The following FHIT variants were observed in gnomAD, a reference collection of about 807,000 sequenced individuals.
FHIT encodes the protein fragile histidine triad diadenosine triphosphatase, also known as bis(5'-adenosyl)-triphosphatase.
Under a neutral mutation model 17.9 loss-of-function variants are expected in FHIT, and 19 were observed. The observed-to-expected ratio is 1.06, with a 90% CI of 0.74 to 1.56. The LOEUF is 1.56. FHIT is among the 40% of genes most tolerant of loss of function. The pLI, the probability that FHIT is intolerant of heterozygous loss-of-function variation, is 0.00. For missense variants in FHIT, 248 were observed against 189.2 expected (o/e 1.31, Z -1.82); for synonymous variants, 81 against 69.7 (o/e 1.16, Z -0.81).
In FHIT at chr3:61,219,625, T is replaced by C. The variant is rs180849788; in HGVS notation, c.-212-18960A>G. ...TTTGTTCTAGAGCAGACAAACTCTG[T>C]ATCCTTCATTTGACCTCCTGCAAGA... On this transcript the variant is annotated intron_variant, in intron 1 of 9. Coordinates refer to ENST00000492590, the MANE Select transcript of FHIT (RefSeq NM_002012.4). Among the ~76,000 whole-genome samples the C allele has an allele frequency of 1.7e-3, 252 of 152,304 alleles. 1 individual carries two copies. The highest frequency in any genetic ancestry group is 5.9e-3 in the African/African-American group (244 of 41,554).
At position 60,561,908 on chromosome 3, in the gene FHIT, A is replaced by AAGAGAGAG. The variant is rs1195781130; in HGVS notation, c.-17-24937_-17-24930dup. 6.6e-5 allele frequency among the ~76,000 whole-genome samples: 10 copies of AAGAGAGAG among 151,484 alleles called. 1 individual carries two copies. Among genetic ancestry groups the AAGAGAGAG allele is most frequent in the Admixed American group, 6.0e-4 (9 of 14,996 alleles). ...AATGAAAGAAAAGAAAAAAAAAGAAAAGAGAGAGAAAGAGAGAAAGAAAAA... is the reference window on the plus strand; with the variant it reads ...AATGAAAGAAAAGAAAAAAAAAGAAAAGAGAGAGAGAGAGAGAAAGAGAGAAAGAAAAA... On this transcript the variant is annotated intron_variant, in intron 4 of 9. Coordinates refer to ENST00000492590, the MANE Select transcript of FHIT (RefSeq NM_002012.4).
intron 5 of FHIT, among the ~76,000 whole-genome samples, chr3:60,198,611 T>G (rs1034628820): frequency 1.4e-4 from 21 of 152,262 alleles, no homozygotes; most frequent in Admixed American, 2.6e-4. Context: ...TCATTAGGAC[T>G]GAGGATGTTC....
At chr3:60,140,836 C>T (rs1346625256) in intron 5 of FHIT, among the ~76,000 whole-genome samples, 1 of 152,106 alleles carries the variant, frequency 6.6e-6, no homozygotes, top group Admixed American at 6.5e-5. Context: ...CCTCGGCCTT[C>T]CAAAGTGCTG....
At chr3:60,321,937 C>T (rs964089785) in intron 5 of FHIT, among the ~76,000 whole-genome samples, 2 of 152,226 alleles carry the variant, frequency 1.3e-5, no homozygotes, top group Non-Finnish European at 2.9e-5. Context: ...GACTTAATCA[C>T]TTCCCAGAAG....
intron 4 of FHIT, among the ~76,000 whole-genome samples, chr3:60,756,420 C>G (rs989255649): frequency 1.3e-5 from 2 of 152,124 alleles, no homozygotes; most frequent in East Asian, 1.9e-4. Flanking sequence ...AAACGAAAAG[C>G]CTGATGAGTC....
chr3:61,061,088 A>T (rs113581963), intron 2 of FHIT, among the ~76,000 whole-genome samples: 9 of 152,332 alleles, frequency 5.9e-5, no homozygotes, highest in African/African-American at 2.2e-4. Context: ...ATAATTGTCG[A>T]ATCAGCTGTC....
chr3:60,114,067 AT>A lies in FHIT; in HGVS notation c.104-99916del, dbSNP rs1559644282. On this transcript the variant is annotated intron_variant, in intron 5 of 9. Transcript: ENST00000492590. ...TATATATATATATATATATATATAT[AT>A]ATATAATGTTATATGTATCTTACCA... Among the ~76,000 whole-genome samples, 399 of 107,518 alleles carry A rather than the reference AT, an allele frequency of 3.7e-3. 15 individuals carry two copies. The highest frequency in any genetic ancestry group is 0.013 in the African/African-American group (378 of 28,648). The allele number at this position is 107,518 out of a possible 152,430, so 70.5% of individuals were successfully genotyped here. A position where few individuals can be genotyped will look rare whatever the true frequency, so the allele number is the denominator to read the frequency against.
chr3:60,739,918 G>A (rs1553713556), intron 4 of FHIT, among the ~76,000 whole-genome samples: 3 of 152,152 alleles, frequency 2.0e-5, no homozygotes, highest in Non-Finnish European at 4.4e-5. Context: ...TCCTGCTCCT[G>A]AGAAGCTCAC....
chr3:60,145,558 G>T (rs1700204787), intron 5 of FHIT, among the ~76,000 whole-genome samples: 1 of 152,178 alleles, frequency 6.6e-6, no homozygotes, highest in Non-Finnish European at 1.5e-5. Context: ...GCAGTGCTAT[G>T]ACATAGGCAT....
At chr3:61,146,194 T>C (rs1489563057) in intron 2 of FHIT, among the ~76,000 whole-genome samples, 5 of 152,052 alleles carry the variant, frequency 3.3e-5, no homozygotes, top group Non-Finnish European at 7.4e-5. Context: ...ATGAAACATA[T>C]GCTGAGCTAC....
chr3:60,564,023 C>T (rs536291810), intron 4 of FHIT, among the ~76,000 whole-genome samples: 1 of 152,186 alleles, frequency 6.6e-6, no homozygotes, highest in South Asian at 2.1e-4. Context: ...GAAGTTAGTG[C>T]CTGGCTTCAA....
chr3:60,165,089 G>C (rs1701111640), intron 5 of FHIT, among the ~76,000 whole-genome samples: 1 of 152,166 alleles, frequency 6.6e-6, no homozygotes, highest in South Asian at 2.1e-4. Context: ...AATGAGTCCA[G>C]TGAGTCAGAT....
rs545270729 is a variant in FHIT, at chr3:60,947,368, C to T, written c.-111+94679G>A. Among the ~76,000 whole-genome samples, 85 of 152,188 alleles carry T rather than the reference C, an allele frequency of 5.6e-4. No individual in the cohort carries two copies. The South Asian group carries it at 7.3e-3, about 13-fold the overall frequency. On this transcript the variant is annotated intron_variant, in intron 3 of 9. Transcript: ENST00000492590. ...TGGTATTAATAGACTATGACTATCGCGTGTTTTCTAAGATCTAAGTGTCCC... is the reference window on the plus strand; with the variant it reads ...TGGTATTAATAGACTATGACTATCGTGTGTTTTCTAAGATCTAAGTGTCCC...
chr3:60,151,577 T>C (rs1462374829), intron 5 of FHIT, among the ~76,000 whole-genome samples: 1 of 152,170 alleles, frequency 6.6e-6, no homozygotes, highest in Admixed American at 6.5e-5. Flanking sequence ...CTTCTCGATT[T>C]GATTTGCCCC....
Position 60,944,254 on chromosome 3 carries a change from A to T in FHIT, c.-111+97793T>A, listed in dbSNP as rs1223686361. On this transcript the variant is annotated intron_variant, in intron 3 of 9. Transcript: ENST00000492590. ...ATATGCTTTAGGTTTTTATGGTTTT[A>T]TTCCAATTAATGTCCTGAAGAATCT... 2.0e-5 allele frequency among the ~76,000 whole-genome samples: 3 copies of T among 152,200 alleles called. No individual in the cohort carries two copies. The East Asian group carries it at 5.8e-4, about 29-fold the overall frequency.
chr3:60,433,492 C>T (rs1375501977), intron 5 of FHIT, among the ~76,000 whole-genome samples: 2 of 152,046 alleles, frequency 1.3e-5, no homozygotes, highest in African/African-American at 4.8e-5. Context: ...AATCTCCATA[C>T]AGTTTTCTAT....
intron 8 of FHIT, among the ~76,000 whole-genome samples, chr3:59,777,909 GCTT>G (rs1702403035): frequency 6.6e-6 from 1 of 152,192 alleles, no homozygotes; most frequent in African/African-American, 2.4e-5. Flanking sequence ...CGGGCTTACA[GCTT>G]CTCATTTAGT....
intron 2 of FHIT, chr3:61,165,889 C>G (rs188598327): frequency 2.6e-5 from 4 of 152,050 alleles, no homozygotes; most frequent in Non-Finnish European, 5.9e-5. Flanking sequence ...AGAATGGATA[C>G]TAATGAAATA....
intron 5 of FHIT, among the ~76,000 whole-genome samples, chr3:60,170,214 A>T (rs967525614): frequency 6.6e-6 from 1 of 152,174 alleles, no homozygotes; most frequent in African/African-American, 2.4e-5. Context: ...GGATGGAGGT[A>T]ATCAGGTTGG....
Sources: gnomAD v4.1 joint callset for allele counts (sites outside exome capture counted in the v4.1 genomes callset) on GRCh38, gnomAD v4.1.1 for gene constraint, MANE v1.5 for transcripts, NCBI Gene and HGNC (gene_info 2026-07-23, HGNC 2026-07-21) for gene names.